Variants in PLCB1 observed in about 807,000 individuals in gnomAD.
PLCB1 encodes the protein phospholipase C beta 1.
Under a neutral mutation model 161.8 loss-of-function variants are expected in PLCB1, and 46 were observed. That is an observed-to-expected ratio of 0.28 (90% CI 0.22 to 0.36). The LOEUF (loss-of-function observed/expected upper bound fraction) is 0.36. Among genes scored for constraint, PLCB1 ranks in the 10% least tolerant of loss-of-function variants. The pLI, the probability that PLCB1 is intolerant of heterozygous loss-of-function variation, is 1.00. For missense variants in PLCB1, 1,016 were observed against 1,472.5 expected (o/e 0.69, Z 5.07); for synonymous variants, 517 against 503.7 (o/e 1.03, Z -0.35).
At chr20:8,872,977 C>T (rs1270863937) in intron 31 of PLCB1, among the ~76,000 whole-genome samples, 1 of 152,172 alleles carries the variant, frequency 6.6e-6, no homozygotes, top group Admixed American at 6.5e-5. Flanking sequence ...TATATTCAAA[C>T]TCAGCTGTAA....
In PLCB1 at chr20:8,684,577, G is replaced by A. The variant is rs139773082; in HGVS notation, c.863-355G>A. Among the ~76,000 whole-genome samples the A allele has an allele frequency of 5.3e-5, 8 of 151,736 alleles. No homozygotes were observed. The East Asian group carries it at 1.4e-3, about 26-fold the overall frequency. On this transcript the variant is annotated intron_variant, in intron 9 of 31. Transcript: ENST00000338037. ...ATTATAAAGTAACATACATTAATAA[G>A]AAAAAAAATTGAAAAATTACCCCAA...
intron 27 of PLCB1, among the ~76,000 whole-genome samples, chr20:8,787,713 A>G (rs1340641911): frequency 6.6e-6 from 1 of 152,244 alleles, no homozygotes; most frequent in Non-Finnish European, 1.5e-5. Flanking sequence ...AATATTAGGA[A>G]TTGTGCAGAA....
intron 2 of PLCB1, among the ~76,000 whole-genome samples, chr20:8,175,970 A>C (rs2051778881): frequency 6.6e-6 from 1 of 152,228 alleles, no homozygotes; most frequent in Non-Finnish European, 1.5e-5. Flanking sequence ...TTAAAACCCC[A>C]GTGAGTTCTC....
chr20:8,547,018 C>G (rs1374139564), intron 3 of PLCB1, among the ~76,000 whole-genome samples: 1 of 152,126 alleles, frequency 6.6e-6, no homozygotes, highest in Non-Finnish European at 1.5e-5. Flanking sequence ...CATTAGTTAA[C>G]AGTTACTGGT....
chr20:8,762,747 A>G (rs554807087), intron 25 of PLCB1, among the ~76,000 whole-genome samples: 3 of 152,326 alleles, frequency 2.0e-5, no homozygotes, highest in South Asian at 4.1e-4. Context: ...ATGTCAGGAG[A>G]ATAGACACAG....
At chr20:8,422,091 T>G (rs1979560012) in intron 3 of PLCB1, among the ~76,000 whole-genome samples, 1 of 152,236 alleles carries the variant, frequency 6.6e-6, no homozygotes, top group Non-Finnish European at 1.5e-5. Context: ...GAGTGAGTCT[T>G]TACAACCTGC....
Sources: gnomAD v4.1 joint callset for allele counts (sites outside exome capture counted in the v4.1 genomes callset) on GRCh38, gnomAD v4.1.1 for gene constraint, MANE v1.5 for transcripts, NCBI Gene and HGNC (gene_info 2026-07-23, HGNC 2026-07-21) for gene names.